Variants in FAM178B observed in about 807,000 individuals in gnomAD.
The protein encoded by FAM178B is protein FAM178B.
FAM178B carries 82 observed loss-of-function variants against 91.7 expected under a neutral mutation model. That is an observed-to-expected ratio of 0.89 (90% CI 0.75 to 1.07). The LOEUF is 1.07. FAM178B is among the 50% of genes least tolerant of loss of function. FAM178B has a pLI of 0.00. For missense variants in FAM178B, 769 were observed against 846.7 expected (o/e 0.91, Z 1.14); for synonymous variants, 368 against 359.4 (o/e 1.02, Z -0.27).
At position 96,960,453 on chromosome 2, in the gene FAM178B, G is replaced by A; in HGVS notation, c.735-13C>T. The A allele has an allele frequency of 6.5e-7, 1 of 1,528,396 alleles. No individual in the cohort carries two copies. 94.7% of individuals were successfully genotyped at this position (1,528,396 alleles called of 1,614,324 possible). On this transcript the variant is annotated splice_polypyrimidine_tract_variant and intron_variant, in intron 5 of 16. Transcript: ENST00000490605. ...TTCCACCAGCATCCTGGCAAGGCAA[G>A]GGGCAGGAGGGCCGGGCATCAGCAG...
At position 96,877,995 on chromosome 2, in the gene FAM178B, C is replaced by G. The variant is rs145363262; in HGVS notation, c.1902G>C (p.Thr634=). The stretch of plus-strand genomic sequence containing the variant: ...TGGCCTGGGGGCTCTCCCGGATCTG[C>G]GTGCTGATGTGGCGGTCCAACTGCA... ...LCMQLDRHIS[T]QIRESPQAMH... is the part of the protein sequence containing the mutation. Residue 634 remains threonine, a synonymous_variant, in exon 16 of 17, where the codon ACG becomes ACC. Coordinates refer to ENST00000490605, the MANE Select transcript of FAM178B (RefSeq NM_001122646.3). 1 of 1,613,056 alleles carries G rather than the reference C, an allele frequency of 6.2e-7. No individual in the cohort carries two copies. Among genetic ancestry groups the G allele is most frequent in the Non-Finnish European group, 8.5e-7 (1 of 1,180,020 alleles).
chr2:96,900,013 AG>A (rs2080897071), intron 13 of FAM178B, among the ~76,000 whole-genome samples: 1 of 151,804 alleles, frequency 6.6e-6, no homozygotes, highest in Admixed American at 6.6e-5. Context: ...GACCTCCACC[AG>A]GAAGGCAGCC....
intron 7 of FAM178B, among the ~76,000 whole-genome samples, chr2:96,950,992 G>A (rs1240043752): frequency 2.0e-5 from 3 of 152,144 alleles, no homozygotes; most frequent in Non-Finnish European, 4.4e-5. Context: ...TAGCTTTGTT[G>A]CATAGGAAGC....
chr2:96,966,327 C>T (rs141668070), intron 5 of FAM178B, among the ~76,000 whole-genome samples: 162 of 152,228 alleles, frequency 1.1e-3, no homozygotes, highest in Non-Finnish European at 1.7e-3. Context: ...GAGCCCACAC[C>T]CTTCATCATC....
intron 6 of FAM178B, 108 bp from the exon 7 acceptor site, chr2:96,951,592 A>C (rs2081929264): frequency 1.3e-6 from 1 of 798,724 alleles, no homozygotes; most frequent in Non-Finnish European, 2.1e-6. Context: ...GTTGGGAAGC[A>C]TATCTGTAAC....
At chr2:96,910,793 CTTAAT>C (rs1260353579) in intron 12 of FAM178B, among the ~76,000 whole-genome samples, 1 of 149,642 alleles carries the variant, frequency 6.7e-6, no homozygotes, top group African/African-American at 2.5e-5. Context: ...CATCTCTCTT[CTTAAT>C]TTTTTTTTTT....
At position 96,960,449 on chromosome 2, in the gene FAM178B, G is replaced by A. The variant is rs1157748908; in HGVS notation, c.735-9C>T. 4 of 1,534,772 alleles carry A rather than the reference G, an allele frequency of 2.6e-6. No individual in the cohort carries two copies. The highest frequency in any genetic ancestry group is 3.5e-6 in the Non-Finnish European group (4 of 1,136,570). ...ACTTTTCCACCAGCATCCTGGCAAG[G>A]CAAGGGGCAGGAGGGCCGGGCATCA... On this transcript the variant is annotated splice_polypyrimidine_tract_variant and intron_variant, in intron 5 of 16. Transcript: ENST00000490605.
chr2:96,917,167 G>A (rs1559071302), intron 12 of FAM178B, among the ~76,000 whole-genome samples: 2 of 152,170 alleles, frequency 1.3e-5, no homozygotes, highest in Non-Finnish European at 1.5e-5. Context: ...GGGAAGAAGC[G>A]CATTTTCAAC....
chr2:96,933,070 C>T (rs1021274192), intron 8 of FAM178B, among the ~76,000 whole-genome samples: 12 of 150,840 alleles, frequency 8.0e-5, no homozygotes, highest in Admixed American at 5.3e-4. Flanking sequence ...CGGTGAAACC[C>T]GGTCTCTACT....
chr2:96,945,794 G>C (rs924564841), intron 8 of FAM178B, among the ~76,000 whole-genome samples: 1 of 152,110 alleles, frequency 6.6e-6, no homozygotes, highest in Admixed American at 6.5e-5. Context: ...TGGGCACCTG[G>C]CCCTTTTGCT....
chr2:96,933,445 G>A (rs1434850426), intron 8 of FAM178B, among the ~76,000 whole-genome samples: 4 of 152,136 alleles, frequency 2.6e-5, no homozygotes, highest in African/African-American at 7.2e-5. Flanking sequence ...CATCTGTGTC[G>A]TGGAAGAAGC....
chr2:96,931,479 TGTGGAAG>T (rs1559080878), intron 8 of FAM178B, among the ~76,000 whole-genome samples: 1 of 151,630 alleles, frequency 6.6e-6, no homozygotes, highest in African/African-American at 2.4e-5. Flanking sequence ...GAATATGAAA[TGTGGAAG>T]GTGGAATGGG....
At chr2:96,878,063 C>A (rs182739169) in intron 15 of FAM178B, 21 bp from the exon 16 acceptor site, 8 of 1,603,388 alleles carry the variant, frequency 5.0e-6, no homozygotes, top group Non-Finnish European at 6.8e-6. Context: ...GGAGGGAGGC[C>A]AAGAAGCGGG....
intron 9 of FAM178B, among the ~76,000 whole-genome samples, chr2:96,924,704 A>C (rs1158841915): frequency 6.6e-6 from 1 of 152,196 alleles, no homozygotes; most frequent in African/African-American, 2.4e-5. Flanking sequence ...TGAGCTTATG[A>C]TGAGGGTCCC....
intron 6 of FAM178B, among the ~76,000 whole-genome samples, chr2:96,959,199 GAAAAAAAAAAAAAAAA>G (rs57498168): frequency 4.9e-5 from 4 of 82,122 alleles, no homozygotes; most frequent in Non-Finnish European, 8.9e-5. Flanking sequence ...ACTCAGTTTT[GAAAAAAAAAAAAAAAA>G]AAAAAAAAAA....
intron 1 of FAM178B, among the ~76,000 whole-genome samples, chr2:96,974,816 G>A (rs144411092): frequency 2.8e-4 from 42 of 152,196 alleles, no homozygotes; most frequent in Non-Finnish European, 5.0e-4. Flanking sequence ...TCGGCCAGGA[G>A]CAGTGGCTCA....
chr2:96,977,194 CAAAA>C (rs70964891), intron 1 of FAM178B, among the ~76,000 whole-genome samples: 1,237 of 38,484 alleles, frequency 0.032, 31 homozygotes, highest in Admixed American at 0.14. Flanking sequence ...GACTCTGTCT[CAAAA>C]AAAAAAAAAA....
intron 1 of FAM178B, among the ~76,000 whole-genome samples, chr2:96,976,008 C>T (rs907538796): frequency 6.6e-6 from 1 of 152,150 alleles, no homozygotes; most frequent in Admixed American, 6.5e-5. Context: ...CACTTTACCC[C>T]ACAACAGCAG....
At chr2:96,912,447 G>T (rs1484137718) in intron 12 of FAM178B, among the ~76,000 whole-genome samples, 2 of 152,052 alleles carry the variant, frequency 1.3e-5, no homozygotes, top group African/African-American at 4.8e-5. Context: ...AGACTCGAGG[G>T]CTGGTGGGGG....
Sources: allele counts gnomAD v4.1 joint callset (sites outside exome capture counted in the v4.1 genomes callset), GRCh38; gene constraint gnomAD v4.1.1; transcripts MANE v1.5; gene names NCBI Gene and HGNC (gene_info 2026-07-23, HGNC 2026-07-21).